Variants in NALF2 observed in about 807,000 individuals in gnomAD.
NALF2 encodes the protein bB57D9.1 (TED protein).
NALF2 carries 1 observed loss-of-function variant against 24.8 expected under a neutral mutation model. The ratio of observed to expected loss-of-function variants is 0.04; its 90% confidence interval spans 0.01 to 0.19. The LOEUF is 0.19. Among genes scored for constraint, NALF2 ranks in the 10% least tolerant of loss-of-function variants. The pLI is 1.00. For synonymous variants in NALF2, 254 were observed against 189.8 expected (o/e 1.34, Z -2.78); for missense variants, 458 against 409.6 (o/e 1.12, Z -1.02).
chrX:69,515,781 G>A (rs1425851619), intron 1 of NALF2, among the ~76,000 whole-genome samples: 2 of 111,505 alleles, frequency 1.8e-5, no homozygotes, highest in African/African-American at 6.5e-5. Context: ...TTTGTTATTT[G>A]CACCATAGAG....
In NALF2 at chrX:69,529,166, T is replaced by TA. The variant is rs760916490; in HGVS notation, c.1033+5dup. On this transcript the variant is annotated splice_region_variant and intron_variant, in intron 2 of 2. Transcript: ENST00000252338. Reference sequence around the variant, plus strand: ...GGCTCCCTGGCTTTATCTGTACAGGTAAAGGCAGGGCACTGGGGAAGAGGG... The same window carrying TA: ...GGCTCCCTGGCTTTATCTGTACAGGTAAAAGGCAGGGCACTGGGGAAGAGGG... The TA allele has an allele frequency of 1.7e-6, 2 of 1,203,910 alleles. No individual in the cohort carries two copies. Among genetic ancestry groups the TA allele is most frequent in the South Asian group, 3.6e-5 (2 of 55,302 alleles).
chrX:69,522,132 A>G (rs1472454461), intron 1 of NALF2, among the ~76,000 whole-genome samples: 6 of 111,970 alleles, frequency 5.4e-5, no homozygotes, highest in Non-Finnish European at 9.4e-5. Context: ...GGGCTGCCCT[A>G]GGACAGCATG....
intron 1 of NALF2, among the ~76,000 whole-genome samples, chrX:69,518,741 A>G (rs1930696572): frequency 8.9e-6 from 1 of 112,062 alleles, no homozygotes; most frequent in Non-Finnish European, 1.9e-5. Context: ...GCTTATCATT[A>G]AAACAGTAGC....
chrX:69,522,795 C>T (rs948535358), intron 1 of NALF2, among the ~76,000 whole-genome samples: 1 of 111,837 alleles, frequency 8.9e-6, no homozygotes, highest in Non-Finnish European at 1.9e-5. Flanking sequence ...AGACCCTGCC[C>T]GAGGGGGTTC....
In NALF2 at chrX:69,505,663, C is replaced by T; in HGVS notation, c.381C>T (p.Ala127=). The T allele has an allele frequency of 3.3e-6, 4 of 1,204,946 alleles. No homozygotes were observed. The highest frequency in any genetic ancestry group is 1.1e-6 in the Non-Finnish European group (1 of 893,620). The change falls in exon 1 of 3, where the codon GCC becomes GCT. Residue 127 remains alanine (A), a synonymous_variant. Transcript: ENST00000252338. The part of the protein sequence containing the change: ...RYSNLTKAAP[A]AGSRPVCGGV... Reference sequence around the variant, plus strand: ...GCAACCTGACCAAAGCCGCCCCCGCCGCCGGCTCTCGGCCGGTCTGCGGCG... The same window carrying T: ...GCAACCTGACCAAAGCCGCCCCCGCTGCCGGCTCTCGGCCGGTCTGCGGCG...
rs1364921456 is a variant in NALF2 at position 69,504,897 on chromosome X, C to A, written c.-386C>A. 9.3e-6 allele frequency among the ~76,000 whole-genome samples: 1 copy of A among 107,506 alleles called. No individual in the cohort carries two copies. The highest frequency in any genetic ancestry group is 3.3e-5 in the African/African-American group (1 of 30,329). The allele number at this position is 107,506 out of a possible 115,157, so 93.4% of individuals were successfully genotyped here. ...CCGGTTTGGAGTGCGAGCCGGGCGG[C>A]CGCCGGCGCGGAGTGAAGTGGCACG... is the stretch of plus-strand genomic sequence containing the variant. On this transcript the variant is annotated 5_prime_UTR_variant, in exon 1 of 3. Transcript: ENST00000252338.
rs781029028 is a variant in NALF2, at chrX:69,529,734, T to A, written c.1197T>A (p.His399Gln). ...SYFHHYHQQY[H>Q]HYHPHHDPPG... ...TCCACCACTACCACCAACAGTACCA[T>A]CACTACCACCCCCATCATGATCCCC... Residue 399 changes from histidine to glutamine, a missense_variant, in exon 3 of 3, where the codon CAT becomes CAA. His to Gln is a conservative substitution (Grantham distance 24). Coordinates refer to ENST00000252338, the MANE Select transcript of NALF2 (RefSeq NM_015686.3). 3.9e-5 allele frequency: 47 copies of A among 1,209,723 alleles called. No homozygotes were observed. Among genetic ancestry groups the A allele is most frequent in the Non-Finnish European group, 5.1e-5 (46 of 894,270 alleles).
chrX:69,522,292 C>T (rs1056827808), intron 1 of NALF2, among the ~76,000 whole-genome samples: 1 of 111,931 alleles, frequency 8.9e-6, no homozygotes, highest in Non-Finnish European at 1.9e-5. Context: ...CTCCTCTGCT[C>T]ACCTGATTGA....
rs773269740 is a variant in NALF2, at chrX:69,530,591, G to T, written c.*635G>T. ...CTAGGCAATGAGGGGCAGGAAAGGG[G>T]TACAGAATGAATGGTGAAAGAGAGT... is the stretch of plus-strand genomic sequence containing the variant. On this transcript the variant is annotated 3_prime_UTR_variant, in exon 3 of 3. Coordinates refer to ENST00000252338, the MANE Select transcript of NALF2 (RefSeq NM_015686.3). 1 of 112,915 alleles carries T rather than the reference G, an allele frequency of 8.9e-6. No individual in the cohort carries two copies. The highest frequency in any genetic ancestry group is 1.9e-5 in the Non-Finnish European group (1 of 53,560). 9.3% of individuals were successfully genotyped at this position (112,915 alleles called of 1,213,427 possible). A position where few individuals can be genotyped will look rare whatever the true frequency, so the allele number is the denominator to read the frequency against.
At chrX:69,518,623 T>C (rs1930694926) in intron 1 of NALF2, among the ~76,000 whole-genome samples, 1 of 112,031 alleles carries the variant, frequency 8.9e-6, no homozygotes, top group South Asian at 3.7e-4. Context: ...CACATATACA[T>C]ATATACACCT....
At chrX:69,524,794 G>T (rs149294974) in intron 1 of NALF2, among the ~76,000 whole-genome samples, 2,634 of 111,986 alleles carry the variant, frequency 0.024, 80 homozygotes, top group African/African-American at 0.082. Flanking sequence ...AAGGACCCCA[G>T]GCTACCTCTG....
At chrX:69,510,048 C>T (rs1930557844) in intron 1 of NALF2, among the ~76,000 whole-genome samples, 1 of 112,224 alleles carries the variant, frequency 8.9e-6, no homozygotes, top group South Asian at 3.7e-4. Context: ...AACAGACTGC[C>T]TTAGGAGGAA....
At chrX:69,518,511 A>G (rs186201534) in intron 1 of NALF2, among the ~76,000 whole-genome samples, 1 of 109,929 alleles carries the variant, frequency 9.1e-6, no homozygotes, top group East Asian at 2.9e-4. Flanking sequence ...GTTTCTTCTG[A>G]TATTTACCTC....
At chrX:69,507,680 G>GGGCACATTGGCACAT (rs1259131798) in intron 1 of NALF2, among the ~76,000 whole-genome samples, 1 of 111,044 alleles carries the variant, frequency 9.0e-6, no homozygotes, top group Non-Finnish European at 1.9e-5. Context: ...ACATGAAGAA[G>GGGCACATTGGCACAT]GGCACATTTT....
chrX:69,520,057 T>G (rs1287323828), intron 1 of NALF2, among the ~76,000 whole-genome samples: 1 of 112,318 alleles, frequency 8.9e-6, no homozygotes, highest in Non-Finnish European at 1.9e-5. Flanking sequence ...TCCATCTTCA[T>G]CTGATTCTTT....
chrX:69,520,434 C>T (rs769073541), intron 1 of NALF2, among the ~76,000 whole-genome samples: 1 of 111,912 alleles, frequency 8.9e-6, no homozygotes, highest in African/African-American at 3.2e-5. Flanking sequence ...CCTCAACTCA[C>T]ACTTCATTGT....
At chrX:69,513,090 C>A (rs1370355748) in intron 1 of NALF2, among the ~76,000 whole-genome samples, 2 of 111,635 alleles carry the variant, frequency 1.8e-5, no homozygotes, top group Non-Finnish European at 3.8e-5. Context: ...GGGCTCCTCT[C>A]GCCTGGAGGG....
chrX:69,524,853 G>A (rs1930783667), intron 1 of NALF2, among the ~76,000 whole-genome samples: 1 of 111,751 alleles, frequency 8.9e-6, no homozygotes, highest in African/African-American at 3.3e-5. Context: ...TGGGGCTGAG[G>A]AATTGGATTA....
In NALF2 at chrX:69,529,623, G is replaced by C. The variant is rs768037145; in HGVS notation, c.1086G>C (p.Gln362His). ...KRLETKCCDV[Q>H]WVSCEAKKKK... Reference sequence around the variant, plus strand: ...TGGAAACCAAGTGCTGTGACGTGCAGTGGGTCTCCTGTGAGGCGAAGAAGA... The same window carrying C: ...TGGAAACCAAGTGCTGTGACGTGCACTGGGTCTCCTGTGAGGCGAAGAAGA... The change falls in exon 3 of 3, where the codon CAG (glutamine) becomes CAC (histidine). Residue 362 changes from glutamine to histidine, a missense_variant. Physicochemically the swap from Gln to His is conservative, Grantham distance 24. Coordinates refer to ENST00000252338, the MANE Select transcript of NALF2 (RefSeq NM_015686.3). 2.5e-6 allele frequency: 3 copies of C among 1,211,317 alleles called. No homozygotes were observed. Among genetic ancestry groups the C allele is most frequent in the South Asian group, 3.5e-5 (2 of 56,774 alleles).
Sources: allele counts gnomAD v4.1 joint callset (sites outside exome capture counted in the v4.1 genomes callset), GRCh38; gene constraint gnomAD v4.1.1; transcripts MANE v1.5; gene names NCBI Gene and HGNC (gene_info 2026-07-23, HGNC 2026-07-21).